CHD9: variants seen among roughly 807,000 people sequenced by gnomAD.
CHD9 encodes the protein chromodomain helicase DNA binding protein 9.
CHD9 carries 77 observed loss-of-function variants against 316.1 expected under a neutral mutation model. That is an observed-to-expected ratio of 0.24 (90% CI 0.20 to 0.29). The LOEUF (loss-of-function observed/expected upper bound fraction) is 0.29. CHD9 is among the 10% of genes least tolerant of loss of function. The pLI is 1.00. For missense variants in CHD9, 2,763 were observed against 3,438.1 expected (o/e 0.80, Z 4.91); for synonymous variants, 1,129 against 1,158.3 (o/e 0.97, Z 0.51).
At chr16:53,071,150 C>T (rs1015831158) in intron 1 of CHD9, among the ~76,000 whole-genome samples, 7 of 152,164 alleles carry the variant, frequency 4.6e-5, no homozygotes, top group Non-Finnish European at 8.8e-5. Flanking sequence ...CTTATATCTT[C>T]TTTAACTTCT....
At chr16:53,323,767 T>C (rs1309854337) in intron 38 of CHD9, among the ~76,000 whole-genome samples, 1 of 152,206 alleles carries the variant, frequency 6.6e-6, no homozygotes, top group Non-Finnish European at 1.5e-5. Flanking sequence ...TACAATCTTA[T>C]GTTTTACAGT....
At chr16:53,183,796 A>G (rs1303148058) in intron 2 of CHD9, among the ~76,000 whole-genome samples, 2 of 152,180 alleles carry the variant, frequency 1.3e-5, no homozygotes, top group Non-Finnish European at 2.9e-5. Context: ...ATACAATGCA[A>G]ATACATCTCC....
intron 22 of CHD9, among the ~76,000 whole-genome samples, chr16:53,273,231 G>A (rs2052461872): frequency 6.6e-6 from 1 of 152,142 alleles, no homozygotes. Context: ...ATCTTGAAGA[G>A]GATGGCTAAC....
chr16:53,178,147 T>G (rs2043211900), intron 2 of CHD9, among the ~76,000 whole-genome samples: 1 of 152,114 alleles, frequency 6.6e-6, no homozygotes, highest in African/African-American at 2.4e-5. Flanking sequence ...GGAAGGGTGA[T>G]ATATCCTTTT....
At chr16:53,206,917 G>T (rs2045939147) in intron 2 of CHD9, among the ~76,000 whole-genome samples, 1 of 152,174 alleles carries the variant, frequency 6.6e-6, no homozygotes, top group Non-Finnish European at 1.5e-5. Context: ...TAAGTAGTCT[G>T]TAAGTGTTAT....
intron 30 of CHD9, among the ~76,000 whole-genome samples, chr16:53,297,903 G>C (rs1268003194): frequency 6.6e-6 from 1 of 152,188 alleles, no homozygotes; most frequent in African/African-American, 2.4e-5. Context: ...AGGTAATTCA[G>C]AGTAGATTTC....
At position 53,324,207 on chromosome 16, in the gene CHD9, T is replaced by C. The variant is rs778823909; in HGVS notation, c.8006T>C (p.Leu2669Pro). The C allele has an allele frequency of 5.6e-6, 9 of 1,613,962 alleles. No individual in the cohort carries two copies. The highest frequency in any genetic ancestry group is 3.3e-4 in the Middle Eastern group (2 of 6,062). ...AATGGACTACTTCCAGGTGTGGATC[T>C]CACAACTCTTCAGGCCTTACAACAA... ...LANGLLPGVDLTTLQALQQNL... is the reference protein window; with the variant it reads ...LANGLLPGVDPTTLQALQQNL... The change falls in exon 39 of 39, where the codon CTC becomes CCC. Residue 2669 changes from leucine (L) to proline (P), a missense_variant. Physicochemically the swap from Leu to Pro is moderately conservative, Grantham distance 98 (BLOSUM62 -3). Coordinates refer to ENST00000447540, the MANE Select transcript of CHD9 (RefSeq NM_001308319.2).
At chr16:53,092,820 C>T (rs979485747) in intron 1 of CHD9, among the ~76,000 whole-genome samples, 2 of 152,034 alleles carry the variant, frequency 1.3e-5, no homozygotes, top group Non-Finnish European at 2.9e-5. Flanking sequence ...ACTTTGTCAT[C>T]CAGGCTGGAG....
At chr16:53,175,236 T>C (rs1472011848) in intron 2 of CHD9, among the ~76,000 whole-genome samples, 2 of 152,190 alleles carry the variant, frequency 1.3e-5, no homozygotes, top group East Asian at 3.9e-4. Context: ...TCTGTGGAAC[T>C]CTCTCCTTTC....
chr16:53,159,862 C>T (rs1005734449), intron 2 of CHD9, among the ~76,000 whole-genome samples: 4 of 152,176 alleles, frequency 2.6e-5, no homozygotes, highest in African/African-American at 4.8e-5. Flanking sequence ...GGTGATCCAC[C>T]GGCCTTGACC....
At chr16:53,073,290 G>A (rs772591328) in intron 1 of CHD9, among the ~76,000 whole-genome samples, 8 of 152,152 alleles carry the variant, frequency 5.3e-5, no homozygotes, top group South Asian at 4.1e-4. Context: ...AGGTTCATCC[G>A]TGTCGTAGCC....
At chr16:53,263,522 G>A (rs2051348501) in intron 20 of CHD9, among the ~76,000 whole-genome samples, 1 of 152,024 alleles carries the variant, frequency 6.6e-6, no homozygotes, top group Non-Finnish European at 1.5e-5. Flanking sequence ...CTTCCCTTGA[G>A]CTAAGAAAAG....
intron 1 of CHD9, among the ~76,000 whole-genome samples, chr16:53,146,790 C>T (rs539979971): frequency 4.6e-5 from 6 of 131,784 alleles, no homozygotes; most frequent in East Asian, 2.2e-4. Context: ...CAGAGTGAGA[C>T]GGTCTCAAAA....
chr16:53,242,859 C>A lies in CHD9; in HGVS notation c.2897C>A (p.Ala966Asp), dbSNP rs1212619507. The A allele has an allele frequency of 1.8e-5, 29 of 1,613,090 alleles. No homozygotes were observed. The highest frequency in any genetic ancestry group is 2.4e-5 in the Non-Finnish European group (28 of 1,179,486). The change falls in exon 13 of 39, where the codon GCT becomes GAT. Residue 966 changes from alanine to aspartate, a missense_variant. Ala to Asp is a moderately radical substitution (Grantham distance 126, BLOSUM62 -2). Transcript: ENST00000447540. The part of the protein sequence containing the change: ...RDSQGRIIRG[A>D]YRFQAIITTF... Reference sequence around the variant, plus strand: ...TTCTAGGGGCGTATCATTCGAGGAGCTTACAGATTCCAAGCCATCATCACC... The same window carrying A: ...TTCTAGGGGCGTATCATTCGAGGAGATTACAGATTCCAAGCCATCATCACC...
chr16:53,241,318 T>G (rs999246585), intron 12 of CHD9, among the ~76,000 whole-genome samples: 1 of 152,186 alleles, frequency 6.6e-6, no homozygotes, highest in African/African-American at 2.4e-5. Flanking sequence ...GGTTCCTTCT[T>G]ATCTTCCCTA....
chr16:53,185,382 A>C (rs1265252977), intron 2 of CHD9, among the ~76,000 whole-genome samples: 2 of 152,162 alleles, frequency 1.3e-5, no homozygotes, highest in Non-Finnish European at 2.9e-5. Context: ...CCTGCCCTGG[A>C]GACCTGTGGA....
intron 3 of CHD9, among the ~76,000 whole-genome samples, chr16:53,219,485 A>G (rs1462493895): frequency 1.3e-5 from 2 of 152,184 alleles, no homozygotes; most frequent in Non-Finnish European, 2.9e-5. Flanking sequence ...ACTGAATCCT[A>G]CGGAAAACTA....
At chr16:53,298,802 C>T (rs2055067764) in intron 30 of CHD9, 1 of 155,860 alleles carries the variant, frequency 6.4e-6, no homozygotes, top group South Asian at 2.0e-4. Flanking sequence ...CCCCATAGCT[C>T]ATTGATGAGT....
intron 1 of CHD9, among the ~76,000 whole-genome samples, chr16:53,108,614 C>G (rs941658490): frequency 1.3e-5 from 2 of 151,996 alleles, no homozygotes; most frequent in African/African-American, 4.8e-5. Flanking sequence ...GTGGCTCACT[C>G]CTGTAATCCC....
Sources: gnomAD v4.1 joint callset for allele counts (sites outside exome capture counted in the v4.1 genomes callset) on GRCh38, gnomAD v4.1.1 for gene constraint, MANE v1.5 for transcripts, NCBI Gene and HGNC (gene_info 2026-07-23, HGNC 2026-07-21) for gene names.